ZNF248: variants seen among roughly 807,000 people sequenced by gnomAD.
ZNF248 encodes zinc finger protein 248.
Under a neutral mutation model 44.3 loss-of-function variants are expected in ZNF248, and 20 were observed. The ratio of observed to expected loss-of-function variants is 0.45; its 90% CI spans 0.32 to 0.66. The LOEUF is 0.66. Among genes scored for constraint, ZNF248 ranks in the 30% least tolerant of loss-of-function variants. ZNF248 has a pLI of 0.04. For synonymous variants in ZNF248, 224 were observed against 229.0 expected, an observed-to-expected ratio of 0.98 and a Z score of 0.20; for missense variants, 654 against 677.0, an observed-to-expected ratio of 0.97 and a Z score of 0.38.
intron 3 of ZNF248, among the ~76,000 whole-genome samples, chr10:37,843,052 C>A (rs998696244): frequency 6.6e-6 from 1 of 152,114 alleles, no homozygotes; most frequent in Non-Finnish European, 1.5e-5. Context: ...TCTTTATCAC[C>A]AGGGATTCAA....
At chr10:37,837,262 TACC>T (rs2057409884) in intron 5 of ZNF248, among the ~76,000 whole-genome samples, 1 of 151,994 alleles carries the variant, frequency 6.6e-6, no homozygotes, top group Admixed American at 6.6e-5. Context: ...TACAGGCAGC[TACC>T]ACCACATCCA....
chr10:37,781,647 C>T (rs1357324573), intron 6 of ZNF248, among the ~76,000 whole-genome samples: 1 of 152,216 alleles, frequency 6.6e-6, no homozygotes, highest in African/African-American at 2.4e-5. Context: ...AACCTCTGGG[C>T]TACCCACATT....
the ZNF248 span, among the ~76,000 whole-genome samples, chr10:37,760,173 C>T: frequency 6.6e-6 from 1 of 152,122 alleles, no homozygotes; most frequent in Non-Finnish European, 1.5e-5. Context: ...TAAATAAAAC[C>T]TTTAACAAAA....
intron 6 of ZNF248, among the ~76,000 whole-genome samples, chr10:37,822,328 C>T (rs2053609614): frequency 6.6e-6 from 1 of 152,054 alleles, no homozygotes; most frequent in African/African-American, 2.4e-5. Context: ...AAAACGAGAA[C>T]AACAATTAAA....
chr10:37,854,637 A>C (rs1196837279), intron 3 of ZNF248, among the ~76,000 whole-genome samples: 1 of 152,218 alleles, frequency 6.6e-6, no homozygotes, highest in Non-Finnish European at 1.5e-5. Flanking sequence ...AAACAAAATA[A>C]TACTATCTCT....
intron 3 of ZNF248, among the ~76,000 whole-genome samples, chr10:37,847,060 G>A (rs925212024): frequency 2.0e-5 from 3 of 152,150 alleles, no homozygotes; most frequent in African/African-American, 7.2e-5. Flanking sequence ...GTTTGAGACA[G>A]GGACTCACTC....
At chr10:37,758,622 T>C in the ZNF248 span, among the ~76,000 whole-genome samples, 9 of 152,326 alleles carry the variant, frequency 5.9e-5, no homozygotes, top group East Asian at 9.6e-4. Flanking sequence ...ACTTATTCTA[T>C]TTTCTCCCCT....
chr10:37,850,299 T>TA (rs1417956207), intron 3 of ZNF248, among the ~76,000 whole-genome samples: 1 of 152,130 alleles, frequency 6.6e-6, no homozygotes, highest in South Asian at 2.1e-4. Context: ...TTAAGAAAGA[T>TA]AAAAAATGCT....
chr10:37,807,096 G>C (rs1360319758), intron 6 of ZNF248, among the ~76,000 whole-genome samples: 1 of 151,862 alleles, frequency 6.6e-6, no homozygotes, highest in African/African-American at 2.4e-5. Flanking sequence ...TGATTCTCCT[G>C]TCTCAGCCTC....
At chr10:37,769,066 A>T in the ZNF248 span, among the ~76,000 whole-genome samples, 1 of 152,196 alleles carries the variant, frequency 6.6e-6, no homozygotes, top group African/African-American at 2.4e-5. Flanking sequence ...CCCAAGACTA[A>T]ACCAGGAAGA....
At chr10:37,775,673 G>A (rs548592828), downstream of ZNF248, 2 of 152,198 alleles carry the variant, frequency 1.3e-5, no homozygotes, top group Non-Finnish European at 2.9e-5. Flanking sequence ...GAACTAATCC[G>A]GGACTAATTC....
chr10:37,830,631 T>G lies in ZNF248; in HGVS notation c.*984A>C. ...ATACACAGTGATGTGCTGTAAATAT[T>G]TGACAGCAGGTTCTCTGAGAAAATT... On this transcript the variant is annotated 3_prime_UTR_variant, in exon 6 of 6. Coordinates refer to ENST00000395867, the MANE Select transcript of ZNF248 (RefSeq NM_021045.3). The G allele has an allele frequency of 5.1e-6, 5 of 983,214 alleles. No homozygotes were observed. Among genetic ancestry groups the G allele is most frequent in the Non-Finnish European group, 6.0e-6 (5 of 827,910 alleles). 60.9% of individuals were successfully genotyped at this position (983,214 alleles called of 1,614,324 possible). A position where few individuals can be genotyped will look rare whatever the true frequency, so the allele number is the denominator to read the frequency against.
intron 6 of ZNF248, chr10:37,784,203 G>C (rs1465766278): frequency 2.0e-5 from 3 of 152,250 alleles, no homozygotes; most frequent in African/African-American, 7.2e-5. Context: ...AGTATAATCT[G>C]ACTGAAACCA....
At chr10:37,764,154 G>A in the ZNF248 span, among the ~76,000 whole-genome samples, 1 of 152,148 alleles carries the variant, frequency 6.6e-6, no homozygotes, top group African/African-American at 2.4e-5. Context: ...CTTTTTCTCA[G>A]CAAGGAACAG....
At chr10:37,775,990 A>G (rs539689353), downstream of ZNF248, among the ~76,000 whole-genome samples, 8 of 152,290 alleles carry the variant, frequency 5.3e-5, no homozygotes, top group South Asian at 8.3e-4. Flanking sequence ...CCAAGAGTCA[A>G]GGTTTCTCAG....
In ZNF248 at chr10:37,829,850, G is replaced by C; in HGVS notation, c.*1765C>G. ...CATTGCTCCCAAGTTCACCCCAACA[G>C]AATCATTAAAATGGAACTTCCATGA... is the stretch of plus-strand genomic sequence containing the variant. On this transcript the variant is annotated 3_prime_UTR_variant, in exon 6 of 6. Transcript: ENST00000395867. 1 of 985,380 alleles carries C rather than the reference G, an allele frequency of 1.0e-6. No individual in the cohort carries two copies. The highest frequency in any genetic ancestry group is 1.2e-6 in the Non-Finnish European group (1 of 829,922). The allele number at this position is 985,380 out of a possible 1,614,324, so 61.0% of individuals were successfully genotyped here.
At chr10:37,807,574 A>G (rs1370153998) in intron 6 of ZNF248, among the ~76,000 whole-genome samples, 1 of 152,186 alleles carries the variant, frequency 6.6e-6, no homozygotes, top group East Asian at 1.9e-4. Context: ...ATGGATTTAC[A>G]CATCTCCATT....
At chr10:37,841,622 G>GT (rs1421778695) in intron 3 of ZNF248, among the ~76,000 whole-genome samples, 1 of 152,182 alleles carries the variant, frequency 6.6e-6, no homozygotes, top group Non-Finnish European at 1.5e-5. Flanking sequence ...GAGGTGTAGC[G>GT]TAACTCTCCA....
At chr10:37,762,396 T>C in the ZNF248 span, among the ~76,000 whole-genome samples, 1 of 152,176 alleles carries the variant, frequency 6.6e-6, no homozygotes, top group Admixed American at 6.6e-5. Context: ...TGTTCAAGAA[T>C]TTGCCCCAGA....
Sources: gnomAD v4.1 joint callset for allele counts (sites outside exome capture counted in the v4.1 genomes callset) on GRCh38, gnomAD v4.1.1 for gene constraint, MANE v1.5 for transcripts, NCBI Gene and HGNC (gene_info 2026-07-23, HGNC 2026-07-21) for gene names.